The following DTD1 variants were observed in gnomAD, a reference collection of about 807,000 sequenced individuals.
DTD1 encodes D-aminoacyl-tRNA deacylase 1.
DTD1 carries 13 observed loss-of-function variants against 25.6 expected under a neutral mutation model. That is an observed-to-expected ratio of 0.51 (90% CI 0.33 to 0.81). The LOEUF (loss-of-function observed/expected upper bound fraction) is 0.81, where lower values mean the gene tolerates loss of function less well. DTD1 is among the 30% of genes least tolerant of loss of function. The pLI, the probability that DTD1 is intolerant of heterozygous loss-of-function variation, is 0.02. For missense variants in DTD1, 193 were observed against 266.4 expected (o/e 0.72, Z 1.92); for synonymous variants, 110 against 103.6 (o/e 1.06, Z -0.37).
intron 3 of DTD1, among the ~76,000 whole-genome samples, chr20:18,625,279 T>G (rs1010670754): frequency 1.3e-5 from 2 of 152,352 alleles, no homozygotes; most frequent in Admixed American, 6.5e-5. Flanking sequence ...TGCCAGGGCC[T>G]GAAGGGCCTG....
At chr20:18,722,187 A>G (rs1189734184) in intron 4 of DTD1, among the ~76,000 whole-genome samples, 1 of 152,174 alleles carries the variant, frequency 6.6e-6, no homozygotes, top group African/African-American at 2.4e-5. Flanking sequence ...TTCCTTTGGC[A>G]TGGCTGCATG....
chr20:18,614,069 G>A (rs1285213786), intron 3 of DTD1, among the ~76,000 whole-genome samples: 1 of 152,188 alleles, frequency 6.6e-6, no homozygotes, highest in Non-Finnish European at 1.5e-5. Flanking sequence ...GCCTCCCAAA[G>A]TGCTGGGATA....
At chr20:18,677,391 A>AGTTTATGT (rs2060980575) in intron 4 of DTD1, among the ~76,000 whole-genome samples, 1 of 151,872 alleles carries the variant, frequency 6.6e-6, no homozygotes, top group Non-Finnish European at 1.5e-5. Flanking sequence ...AGATGCTCCT[A>AGTTTATGT]GTTTATGTTG....
intron 4 of DTD1, among the ~76,000 whole-genome samples, chr20:18,686,532 A>T (rs933848910): frequency 6.6e-6 from 1 of 152,156 alleles, no homozygotes. Context: ...TCTTCCCAAT[A>T]TTGTATATGC....
intron 3 of DTD1, among the ~76,000 whole-genome samples, chr20:18,603,677 G>A (rs2060645446): frequency 8.1e-6 from 1 of 123,540 alleles, no homozygotes; most frequent in African/African-American, 3.0e-5. Flanking sequence ...AGTGACTACC[G>A]GGTACATAAC....
chr20:18,639,906 A>T (rs577096341), intron 4 of DTD1, among the ~76,000 whole-genome samples: 2 of 152,314 alleles, frequency 1.3e-5, no homozygotes, highest in South Asian at 2.1e-4. Flanking sequence ...CAGGAATTGC[A>T]TGGCTGTTTG....
At chr20:18,730,104 G>A (rs906046958) in intron 4 of DTD1, among the ~76,000 whole-genome samples, 1 of 152,020 alleles carries the variant, frequency 6.6e-6, no homozygotes, top group African/African-American at 2.4e-5. Flanking sequence ...GAAGAGATGG[G>A]AATTGTGGTT....
chr20:18,627,969 G>A (rs574760608), intron 3 of DTD1, among the ~76,000 whole-genome samples, 158 bp from the exon 4 acceptor site: 95 of 152,282 alleles, frequency 6.2e-4, no homozygotes, highest in Admixed American at 1.0e-3. Flanking sequence ...CTTCCCAGCC[G>A]TGAGGAACTG....
chr20:18,757,370 C>T (rs1600226073), intron 5 of DTD1, among the ~76,000 whole-genome samples: 1 of 152,170 alleles, frequency 6.6e-6, no homozygotes, highest in East Asian at 1.9e-4. Flanking sequence ...GGGAGTGCTT[C>T]CAGTTTTTGC....
intron 4 of DTD1, among the ~76,000 whole-genome samples, chr20:18,662,750 CT>C (rs112928051): frequency 1.3e-4 from 20 of 148,420 alleles, no homozygotes; most frequent in Admixed American, 2.7e-4. Context: ...TTCCCCCCTC[CT>C]TTTTTTTTTG....
At chr20:18,695,100 C>T (rs532219065) in intron 4 of DTD1, among the ~76,000 whole-genome samples, 1 of 152,186 alleles carries the variant, frequency 6.6e-6, no homozygotes, top group South Asian at 2.1e-4. Flanking sequence ...GTTAAGAGTT[C>T]AGATCAGATC....
chr20:18,631,520 G>A, intron 4 of DTD1: 15 of 985,384 alleles, frequency 1.5e-5, no homozygotes, highest in Non-Finnish European at 1.8e-5. Context: ...GTCTCCAATT[G>A]AGAAATGCTT....
At chr20:18,739,597 G>A (rs1390229490) in intron 4 of DTD1, among the ~76,000 whole-genome samples, 2 of 152,202 alleles carry the variant, frequency 1.3e-5, no homozygotes, top group Non-Finnish European at 2.9e-5. Flanking sequence ...CTCTATTTCA[G>A]TGTTTGTAGA....
At chr20:18,760,050 G>A (rs541671766) in intron 5 of DTD1, among the ~76,000 whole-genome samples, 28 of 152,196 alleles carry the variant, frequency 1.8e-4, no homozygotes, top group African/African-American at 5.5e-4. Flanking sequence ...TTATGCGTTC[G>A]TCACATAGTT....
intron 4 of DTD1, among the ~76,000 whole-genome samples, chr20:18,709,385 G>C (rs942595104): frequency 6.6e-6 from 1 of 152,096 alleles, no homozygotes; most frequent in Admixed American, 6.5e-5. Context: ...GGGTAAAGAT[G>C]GTTGCCATTT....
At chr20:18,752,618 A>G (rs1201077237) in intron 5 of DTD1, among the ~76,000 whole-genome samples, 1 of 152,148 alleles carries the variant, frequency 6.6e-6, no homozygotes, top group Non-Finnish European at 1.5e-5. Flanking sequence ...AGCCCTTAAC[A>G]TATTAATCAT....
At chr20:18,601,227 T>G (rs1158266725) in intron 3 of DTD1, among the ~76,000 whole-genome samples, 3 of 152,042 alleles carry the variant, frequency 2.0e-5, no homozygotes, top group African/African-American at 7.3e-5. Context: ...CGGCCAGGCG[T>G]CGTGCTTCAC....
chr20:18,601,350 T>C (rs997694216), intron 3 of DTD1, among the ~76,000 whole-genome samples: 2 of 152,056 alleles, frequency 1.3e-5, no homozygotes, highest in Admixed American at 6.5e-5. Context: ...AATACAAAAA[T>C]TAGCCAGGTG....
At chr20:18,591,970 A>G (rs1430225983) in intron 1 of DTD1, among the ~76,000 whole-genome samples, 1 of 152,224 alleles carries the variant, frequency 6.6e-6, no homozygotes. Context: ...ATTTTAGCCT[A>G]AAAATAAAGA....
Sources: gnomAD v4.1 joint callset for allele counts (sites outside exome capture counted in the v4.1 genomes callset) on GRCh38, gnomAD v4.1.1 for gene constraint, MANE v1.5 for transcripts, NCBI Gene and HGNC (gene_info 2026-07-23, HGNC 2026-07-21) for gene names.